The following SGCZ variants were observed in gnomAD, a reference collection of about 807,000 sequenced individuals.
The protein encoded by SGCZ is zeta-sarcoglycan.
In SGCZ, 40 loss-of-function variants were observed where a neutral mutation model predicts 41.3. That is an observed-to-expected ratio of 0.97 (90% confidence interval 0.75 to 1.26). SGCZ has a LOEUF of 1.26. Among genes scored for constraint, SGCZ ranks in the 50% most tolerant of loss-of-function variants. The probability of loss-of-function intolerance (pLI) is 0.00; values close to 1 mark genes in which losing one functional copy is unlikely to be tolerated. For missense variants in SGCZ, 552 were observed against 369.8 expected, an observed-to-expected ratio of 1.49 and a Z score of -4.04; for synonymous variants, 206 against 137.5, an observed-to-expected ratio of 1.50 and a Z score of -3.49.
intron 1 of SGCZ, among the ~76,000 whole-genome samples, chr8:15,168,812 G>C (rs970982491): frequency 6.6e-6 from 1 of 152,156 alleles, no homozygotes; most frequent in African/African-American, 2.4e-5. Context: ...CCCCTCAGAT[G>C]CATCCTCCAA....
chr8:14,454,511 A>G (rs1800687058), intron 2 of SGCZ, among the ~76,000 whole-genome samples: 1 of 152,162 alleles, frequency 6.6e-6, no homozygotes, highest in South Asian at 2.1e-4. Flanking sequence ...AATACCAGTA[A>G]AATACCAATA....
intron 1 of SGCZ, among the ~76,000 whole-genome samples, chr8:14,768,339 T>C (rs1038044734): frequency 5.9e-5 from 9 of 152,206 alleles, no homozygotes; most frequent in African/African-American, 2.2e-4. Flanking sequence ...AGTACTTCTT[T>C]TTGTACAACT....
chr8:15,237,597 A>C lies in SGCZ; in HGVS notation c.27T>G (p.Ile9Met). ...GACCCGCACGTACCTTGAGCTCCTCAATGTCCAGGTTCGTTGATCTGTCCA... is the reference window on the plus strand; with the variant it reads ...GACCCGCACGTACCTTGAGCTCCTCCATGTCCAGGTTCGTTGATCTGTCCA... MDRSTNLD[I>M]EELKMTREQY... Residue 9 changes from isoleucine (I) to methionine (M), a missense_variant, in exon 1 of 8, where the codon ATT (isoleucine) becomes ATG (methionine). Ile to Met is a conservative substitution (Grantham distance 10). Transcript: ENST00000382080. 1 of 1,591,458 alleles carries C rather than the reference A, an allele frequency of 6.3e-7. No homozygotes were observed. Among genetic ancestry groups the C allele is most frequent in the South Asian group, 1.1e-5 (1 of 87,922 alleles).
chr8:14,850,173 TCA>T (rs1803264519), intron 1 of SGCZ, among the ~76,000 whole-genome samples: 1 of 152,228 alleles, frequency 6.6e-6, no homozygotes, highest in African/African-American at 2.4e-5. Context: ...TCATATTATC[TCA>T]GTGTTAAATT....
intron 5 of SGCZ, among the ~76,000 whole-genome samples, chr8:14,121,288 A>G (rs2117035606): frequency 6.6e-6 from 1 of 152,014 alleles, no homozygotes; most frequent in Non-Finnish European, 1.5e-5. Context: ...AAAAATCAAC[A>G]TGTCACGCTG....
intron 1 of SGCZ, among the ~76,000 whole-genome samples, chr8:14,722,067 A>G (rs1809904770): frequency 6.6e-6 from 1 of 152,120 alleles, no homozygotes; most frequent in African/African-American, 2.4e-5. Context: ...TGGTCAAACT[A>G]TCTCAAAATC....
At chr8:14,318,638 A>G (rs1332303153) in intron 3 of SGCZ, among the ~76,000 whole-genome samples, 4 of 151,978 alleles carry the variant, frequency 2.6e-5, no homozygotes. Flanking sequence ...AGTGCAGCTA[A>G]GAACCACGGA....
At chr8:14,317,169 A>T (rs1056452928) in intron 3 of SGCZ, among the ~76,000 whole-genome samples, 21 of 152,224 alleles carry the variant, frequency 1.4e-4, no homozygotes, top group African/African-American at 4.3e-4. Context: ...TAAAACATTT[A>T]GCGCAATGTT....
chr8:14,460,181 G>A lies in SGCZ; in HGVS notation c.234+94551C>T, dbSNP rs567008100. On this transcript the variant is annotated intron_variant, in intron 2 of 7. Transcript: ENST00000382080. ...TCTTTGCTAACTTTGCAACTTTTCTGTAAATATAAAATTATTTCAAAATAA... is the reference window on the plus strand; with the variant it reads ...TCTTTGCTAACTTTGCAACTTTTCTATAAATATAAAATTATTTCAAAATAA... Among the ~76,000 whole-genome samples, 50 of 152,222 alleles carry A rather than the reference G, an allele frequency of 3.3e-4. 1 individual carries two copies. The highest frequency in any genetic ancestry group is 1.2e-3 in the African/African-American group (48 of 41,558).
intron 1 of SGCZ, among the ~76,000 whole-genome samples, chr8:14,883,623 A>G (rs1001760139): frequency 6.6e-6 from 1 of 151,920 alleles, no homozygotes; most frequent in Non-Finnish European, 1.5e-5. Flanking sequence ...AGTTATTAAT[A>G]TATGTTTGGT....
intron 1 of SGCZ, among the ~76,000 whole-genome samples, chr8:15,129,707 C>CAAAA (rs59401421): frequency 0.48 from 51,341 of 107,020 alleles, 13,174 homozygotes; most frequent in East Asian, 0.68. Flanking sequence ...GAAGCATTTG[C>CAAAA]AAAAAAAAAA....
At chr8:14,418,212 T>C (rs1196063187) in intron 2 of SGCZ, among the ~76,000 whole-genome samples, 2 of 151,988 alleles carry the variant, frequency 1.3e-5, no homozygotes, top group Admixed American at 1.3e-4. Context: ...GAGGCATTTG[T>C]TGTCACTTTA....
At chr8:14,332,231 C>G (rs1036271380) in intron 2 of SGCZ, among the ~76,000 whole-genome samples, 3 of 151,912 alleles carry the variant, frequency 2.0e-5, no homozygotes, top group African/African-American at 7.3e-5. Context: ...TTCAGGAGAT[C>G]GAGACCATCC....
intron 1 of SGCZ, among the ~76,000 whole-genome samples, chr8:14,957,579 C>T (rs1329799151): frequency 3.9e-5 from 6 of 151,924 alleles, no homozygotes; most frequent in Non-Finnish European, 8.8e-5. Context: ...AACTAGCTTA[C>T]TTGTCATGTT....
intron 1 of SGCZ, among the ~76,000 whole-genome samples, chr8:14,835,253 T>C (rs1441333349): frequency 6.6e-6 from 1 of 152,164 alleles, no homozygotes; most frequent in Non-Finnish European, 1.5e-5. Flanking sequence ...ACCTGAAATA[T>C]TTTCATCTGT....
Position 14,800,860 on chromosome 8 carries a change from G to A in SGCZ, c.40-245934C>T, listed in dbSNP as rs946953508. Among the ~76,000 whole-genome samples the A allele has an allele frequency of 4.6e-5, 7 of 151,822 alleles. No individual in the cohort carries two copies. The South Asian group carries it at 1.0e-3, about 22-fold the overall frequency. On this transcript the variant is annotated intron_variant, in intron 1 of 7. Transcript: ENST00000382080. ...ATTAAAAAATTCAAAATATAGAGGT[G>A]GAATGCTAGTCTCACTCATATACCA...
chr8:14,738,186 T>C (rs1026632427), intron 1 of SGCZ, among the ~76,000 whole-genome samples: 3 of 152,100 alleles, frequency 2.0e-5, no homozygotes, highest in Non-Finnish European at 2.9e-5. Context: ...AAAAAATCTC[T>C]GTTTTCAACA....
chr8:14,402,678 T>G (rs2117250571), intron 2 of SGCZ, among the ~76,000 whole-genome samples: 1 of 144,894 alleles, frequency 6.9e-6, no homozygotes, highest in East Asian at 2.0e-4. Flanking sequence ...ACCACGGTGT[T>G]TTGGTTACTA....
intron 1 of SGCZ, among the ~76,000 whole-genome samples, chr8:15,083,542 A>T (rs889749538): frequency 6.6e-6 from 1 of 152,074 alleles, no homozygotes; most frequent in Non-Finnish European, 1.5e-5. Flanking sequence ...TATATGAGAA[A>T]TTAATTCAAT....
Sources: gnomAD v4.1 joint callset for allele counts (sites outside exome capture counted in the v4.1 genomes callset) on GRCh38, gnomAD v4.1.1 for gene constraint, MANE v1.5 for transcripts, NCBI Gene and HGNC (gene_info 2026-07-23, HGNC 2026-07-21) for gene names.